Variants in CDC42SE2 observed in about 807,000 individuals in gnomAD.
CDC42SE2 encodes the protein CDC42 small effector 2.
Under a neutral mutation model 11.5 loss-of-function variants are expected in CDC42SE2, and 3 were observed. The ratio of observed to expected loss-of-function variants is 0.26; its 90% confidence interval spans 0.12 to 0.67. The LOEUF (loss-of-function observed/expected upper bound fraction) is 0.67, where lower values mean the gene tolerates loss of function less well. CDC42SE2 is among the 30% of genes least tolerant of loss of function. The pLI is 0.80. For synonymous variants in CDC42SE2, 33 were observed against 34.8 expected, an observed-to-expected ratio of 0.95 and a Z score of 0.18; for missense variants, 82 against 106.8, an observed-to-expected ratio of 0.77 and a Z score of 1.02.
rs552136473 is a variant in CDC42SE2 at position 131,264,506 on chromosome 5, C to G, written c.-455+340C>G. Among the ~76,000 whole-genome samples, 3 of 151,596 alleles carry G rather than the reference C, an allele frequency of 2.0e-5. No homozygotes were observed. In the South Asian group the frequency reaches 6.3e-4, roughly 32 times the overall value. On this transcript the variant is annotated intron_variant, in intron 1 of 4. Coordinates refer to ENST00000505065, the MANE Select transcript of CDC42SE2 (RefSeq NM_001375635.1). ...GGAAAGGCAGACCCCCCCCCTCCCC[C>G]CAACTTTTCACGTCTGGAAGTCGGG... is the stretch of plus-strand genomic sequence containing the variant.
At chr5:131,231,823 A>T in the CDC42SE2 span, among the ~76,000 whole-genome samples, 293 of 148,904 alleles carry the variant, frequency 2.0e-3, 3 homozygotes, top group African/African-American at 6.6e-3. Context: ...ATGGAGTCTC[A>T]CTCTGTCGCC....
At chr5:131,337,444 C>T (rs1032336708) in intron 2 of CDC42SE2, among the ~76,000 whole-genome samples, 6 of 152,198 alleles carry the variant, frequency 3.9e-5, no homozygotes, top group South Asian at 2.1e-4. Context: ...GCAGTCTGCC[C>T]GTTCTCAGAT....
chr5:131,324,919 C>G (rs1758265709), intron 2 of CDC42SE2, among the ~76,000 whole-genome samples: 1 of 152,114 alleles, frequency 6.6e-6, no homozygotes, highest in South Asian at 2.1e-4. Flanking sequence ...AGGTTTTAAA[C>G]TTTAAAAATC....
chr5:131,343,919 C>T (rs565083533), intron 2 of CDC42SE2, among the ~76,000 whole-genome samples: 5 of 152,124 alleles, frequency 3.3e-5, no homozygotes, highest in Admixed American at 6.5e-5. Flanking sequence ...ATTGCACACT[C>T]TTTCATGTTT....
At chr5:131,287,970 G>A (rs764360543) in intron 1 of CDC42SE2, among the ~76,000 whole-genome samples, 8 of 151,994 alleles carry the variant, frequency 5.3e-5, no homozygotes, top group Non-Finnish European at 1.2e-4. Context: ...GTGGCCGGGC[G>A]TGGTGGCTCA....
At chr5:131,361,306 T>C (rs1749701393) in intron 3 of CDC42SE2, among the ~76,000 whole-genome samples, 1 of 152,186 alleles carries the variant, frequency 6.6e-6, no homozygotes, top group South Asian at 2.1e-4. Context: ...TCTGGAGTTA[T>C]GAGACATCAG....
intron 1 of CDC42SE2, among the ~76,000 whole-genome samples, chr5:131,292,029 G>C (rs1382915013): frequency 2.0e-5 from 3 of 151,236 alleles, no homozygotes; most frequent in Non-Finnish European, 4.4e-5. Context: ...GGATCACGAG[G>C]TCAAGAGATT....
chr5:131,303,967 CTT>C (rs565046039), intron 1 of CDC42SE2, among the ~76,000 whole-genome samples: 4 of 142,880 alleles, frequency 2.8e-5, no homozygotes, highest in South Asian at 2.2e-4. Flanking sequence ...AAATAATTTT[CTT>C]TTTTTTTTTT....
chr5:131,393,610 T>G lies in CDC42SE2; in HGVS notation c.*2519T>G, dbSNP rs909055214. 1.3e-5 allele frequency: 2 copies of G among 152,374 alleles called. No homozygotes were observed. The highest frequency in any genetic ancestry group is 4.8e-5 in the African/African-American group (2 of 41,456). The allele number at this position is 152,374 out of a possible 1,614,324, so 9.4% of individuals were successfully genotyped here. A position where few individuals can be genotyped will look rare whatever the true frequency, so the allele number is the denominator to read the frequency against. ...ACGGTCAGTTTCTTGGCCAGGGACA[T>G]TGCTATGTGCTGTGTGCAAGCTCTT... is the stretch of plus-strand genomic sequence containing the variant. On this transcript the variant is annotated 3_prime_UTR_variant, in exon 5 of 5. Coordinates refer to ENST00000505065, the MANE Select transcript of CDC42SE2 (RefSeq NM_001375635.1).
At chr5:131,349,037 C>A (rs1251625597) in intron 2 of CDC42SE2, among the ~76,000 whole-genome samples, 1 of 152,070 alleles carries the variant, frequency 6.6e-6, no homozygotes, top group Non-Finnish European at 1.5e-5. Context: ...CATAAAAACC[C>A]TAGAAGAAAA....
intron 1 of CDC42SE2, among the ~76,000 whole-genome samples, chr5:131,279,530 A>G (rs1481534389): frequency 7.7e-6 from 1 of 129,120 alleles, no homozygotes; most frequent in Non-Finnish European, 1.6e-5. Context: ...GCTTTTACTT[A>G]TTACCCTTTA....
chr5:131,358,332 C>T (rs1749612166), intron 2 of CDC42SE2, among the ~76,000 whole-genome samples: 1 of 152,162 alleles, frequency 6.6e-6, no homozygotes, highest in African/African-American at 2.4e-5. Context: ...ACAGGTGAAA[C>T]TGATCTTAGG....
At chr5:131,303,017 T>A (rs1197595258) in intron 1 of CDC42SE2, among the ~76,000 whole-genome samples, 1 of 152,170 alleles carries the variant, frequency 6.6e-6, no homozygotes, top group African/African-American at 2.4e-5. Context: ...CAAACAAAAA[T>A]GTGTTGAGTC....
At chr5:131,268,054 CTTTTTTTTTTTTTTT>C (rs148354795) in intron 1 of CDC42SE2, among the ~76,000 whole-genome samples, 3 of 65,478 alleles carry the variant, frequency 4.6e-5, no homozygotes, top group South Asian at 5.4e-4. Flanking sequence ...CATGCTTATT[CTTTTTTTTTTTTTTT>C]TTTTTTTTTT....
intron 2 of CDC42SE2, among the ~76,000 whole-genome samples, chr5:131,332,033 T>C (rs1243000107): frequency 2.0e-5 from 3 of 152,206 alleles, no homozygotes; most frequent in Admixed American, 6.6e-5. Flanking sequence ...TTGTTACATA[T>C]GTATACATGT....
chr5:131,239,330 A>C, the CDC42SE2 span, among the ~76,000 whole-genome samples: 2 of 151,820 alleles, frequency 1.3e-5, no homozygotes. Flanking sequence ...CCAGCTACTC[A>C]GGAGGCTAAG....
chr5:131,365,732 C>T (rs551568326), intron 3 of CDC42SE2, among the ~76,000 whole-genome samples: 1 of 152,294 alleles, frequency 6.6e-6, no homozygotes, highest in East Asian at 1.9e-4. Flanking sequence ...CCTGTATCCC[C>T]AGCACTTTGG....
chr5:131,224,024 C>T, the CDC42SE2 span, among the ~76,000 whole-genome samples: 1 of 152,176 alleles, frequency 6.6e-6, no homozygotes, highest in East Asian at 1.9e-4. Flanking sequence ...GCCAGGACAG[C>T]ATACCCTCTT....
intron 1 of CDC42SE2, among the ~76,000 whole-genome samples, chr5:131,309,856 G>A (rs1181447720): frequency 6.6e-6 from 1 of 151,730 alleles, no homozygotes; most frequent in African/African-American, 2.4e-5. Flanking sequence ...TATTAGTCTT[G>A]CTAGCGGTCT....
Sources: gnomAD v4.1 joint callset for allele counts (sites outside exome capture counted in the v4.1 genomes callset) on GRCh38, gnomAD v4.1.1 for gene constraint, MANE v1.5 for transcripts, NCBI Gene and HGNC (gene_info 2026-07-23, HGNC 2026-07-21) for gene names.